SGIP1: variants seen among roughly 807,000 people sequenced by gnomAD.
The protein encoded by SGIP1 is SH3GL interacting endocytic adaptor 1.
In SGIP1, 38 loss-of-function variants were observed where a neutral mutation model predicts 107.5. That is an observed-to-expected ratio of 0.35 (90% CI 0.27 to 0.46). The LOEUF (loss-of-function observed/expected upper bound fraction) is 0.46. Among genes scored for constraint, SGIP1 ranks in the 20% least tolerant of loss-of-function variants. The pLI is 1.00. For synonymous variants in SGIP1, 365 were observed against 366.1 expected (o/e 1.00, Z 0.03); for missense variants, 929 against 1,019.5 (o/e 0.91, Z 1.21).
intron 1 of SGIP1, among the ~76,000 whole-genome samples, chr1:66,622,269 A>G (rs759879827): frequency 1.2e-4 from 19 of 152,184 alleles, no homozygotes; most frequent in Non-Finnish European, 2.6e-4. Flanking sequence ...TCACTACTTT[A>G]GGGAAAAATA....
At chr1:66,653,055 C>T (rs140460010) in intron 7 of SGIP1, among the ~76,000 whole-genome samples, 1 of 152,150 alleles carries the variant, frequency 6.6e-6, no homozygotes, top group Non-Finnish European at 1.5e-5. Context: ...GCCACTAAAT[C>T]CCAGACATGG....
At position 66,690,230 on chromosome 1, in the gene SGIP1, C is replaced by A. The variant is rs749972011; in HGVS notation, c.1484C>A (p.Pro495His). ...FSPPIHSSSP[P>H]PIAPLARAES... ...CCTCCCATTCATTCTTCCAGCCCTCCTCCAATAGCACCCTTAGCGCGGGCT... is the reference window on the plus strand; with the variant it reads ...CCTCCCATTCATTCTTCCAGCCCTCATCCAATAGCACCCTTAGCGCGGGCT... The change falls in exon 17 of 25, where the codon CCT becomes CAT. Residue 495 changes from proline (P) to histidine (H), a missense_variant. Coordinates refer to ENST00000371037, the MANE Select transcript of SGIP1 (RefSeq NM_032291.4). 40 of 1,614,064 alleles carry A rather than the reference C, an allele frequency of 2.5e-5. No homozygotes were observed. The highest frequency in any genetic ancestry group is 3.3e-5 in the Non-Finnish European group (39 of 1,180,018).
chr1:66,709,081 T>C lies in SGIP1; in HGVS notation c.1631-10213T>C, dbSNP rs138020547. Among the ~76,000 whole-genome samples the C allele has an allele frequency of 7.2e-3, 1,097 of 152,236 alleles. 16 individuals are homozygous for C. Among genetic ancestry groups the C allele is most frequent in the African/African-American group, 0.025 (1,040 of 41,546 alleles). On this transcript the variant is annotated intron_variant, in intron 18 of 24. Coordinates refer to ENST00000371037, the MANE Select transcript of SGIP1 (RefSeq NM_032291.4). ...AGTTCTGGGATACATGCGCAGAACG[T>C]GCATGTTTGTTACATAGGTATACAT...
At chr1:66,558,488 A>G (rs2058492988) in intron 1 of SGIP1, among the ~76,000 whole-genome samples, 1 of 151,992 alleles carries the variant, frequency 6.6e-6, no homozygotes, top group Non-Finnish European at 1.5e-5. Flanking sequence ...CATAGTGTAT[A>G]ATACTGAAAG....
intron 1 of SGIP1, among the ~76,000 whole-genome samples, chr1:66,601,957 A>C (rs1302044457): frequency 6.6e-6 from 1 of 152,246 alleles, no homozygotes; most frequent in Non-Finnish European, 1.5e-5. Flanking sequence ...AAATTAGTAC[A>C]TAGATCCCTT....
chr1:66,654,912 T>C (rs1220498019), intron 7 of SGIP1, among the ~76,000 whole-genome samples: 1 of 152,198 alleles, frequency 6.6e-6, no homozygotes, highest in East Asian at 1.9e-4. Flanking sequence ...CCTCAGTGTG[T>C]TTTGCCCAAC....
At chr1:66,651,612 A>T (rs79201246) in intron 7 of SGIP1, among the ~76,000 whole-genome samples, 1,916 of 152,312 alleles carry the variant, frequency 0.013, 45 homozygotes, top group African/African-American at 0.044. Flanking sequence ...CCCAGCCCAA[A>T]GGGCCCACCT....
intron 18 of SGIP1, among the ~76,000 whole-genome samples, chr1:66,697,532 G>GT (rs1274511376): frequency 6.6e-6 from 1 of 152,184 alleles, no homozygotes; most frequent in Non-Finnish European, 1.5e-5. Flanking sequence ...TATCATGAAT[G>GT]TTGGTGTCAC....
intron 2 of SGIP1, among the ~76,000 whole-genome samples, chr1:66,632,602 T>G (rs2149394099): frequency 6.6e-6 from 1 of 152,282 alleles, no homozygotes; most frequent in Admixed American, 6.5e-5. Flanking sequence ...TGATTGCGCC[T>G]GTGAATAGCC....
chr1:66,655,150 G>T (rs145704046), intron 7 of SGIP1, among the ~76,000 whole-genome samples: 4 of 151,964 alleles, frequency 2.6e-5, no homozygotes, highest in Middle Eastern at 3.4e-3. Flanking sequence ...GCAATAAGCC[G>T]CATTGGAGCA....
At chr1:66,721,435 G>T (rs1037317247) in intron 19 of SGIP1, among the ~76,000 whole-genome samples, 2 of 152,186 alleles carry the variant, frequency 1.3e-5, no homozygotes, top group East Asian at 3.9e-4. Flanking sequence ...TTGAGATGGG[G>T]TCTCACTTTT....
intron 22 of SGIP1, among the ~76,000 whole-genome samples, chr1:66,739,754 C>A (rs990816466): frequency 3.9e-5 from 6 of 152,222 alleles, no homozygotes; most frequent in African/African-American, 1.4e-4. Context: ...AAGGAACAGG[C>A]TGGATCTCCA....
At position 66,574,840 on chromosome 1, in the gene SGIP1, T is replaced by A. The variant is rs190965432; in HGVS notation, c.10+40472T>A. Among the ~76,000 whole-genome samples the A allele has an allele frequency of 7.6e-3, 1,150 of 152,176 alleles. 13 individuals carry two copies. The highest frequency in any genetic ancestry group is 0.026 in the African/African-American group (1,067 of 41,442). On this transcript the variant is annotated intron_variant, in intron 1 of 24. Coordinates refer to ENST00000371037, the MANE Select transcript of SGIP1 (RefSeq NM_032291.4). Reference sequence around the variant, plus strand: ...TGTATATGTGTGTATATAGTTGATGTCAGATTGCCAGCTGCGCTTGCTCAA... The same window carrying A: ...TGTATATGTGTGTATATAGTTGATGACAGATTGCCAGCTGCGCTTGCTCAA...
intron 18 of SGIP1, among the ~76,000 whole-genome samples, chr1:66,702,383 G>A (rs1258335811): frequency 6.6e-6 from 1 of 152,132 alleles, no homozygotes; most frequent in Non-Finnish European, 1.5e-5. Context: ...ATAACCACGT[G>A]ATCTTGAGCA....
chr1:66,622,820 C>T (rs139209572), intron 1 of SGIP1, among the ~76,000 whole-genome samples: 36 of 152,250 alleles, frequency 2.4e-4, no homozygotes, highest in African/African-American at 7.2e-4. Context: ...TCTTAAGGGA[C>T]GCTTAGTTTT....
At chr1:66,632,344 T>C (rs1185077114) in intron 2 of SGIP1, among the ~76,000 whole-genome samples, 1 of 152,192 alleles carries the variant, frequency 6.6e-6, no homozygotes, top group Non-Finnish European at 1.5e-5. Flanking sequence ...AATGTTGTTC[T>C]CCATTTCCTG....
chr1:66,629,489 C>G (rs1175450422), intron 2 of SGIP1, among the ~76,000 whole-genome samples: 1 of 152,008 alleles, frequency 6.6e-6, no homozygotes, highest in Non-Finnish European at 1.5e-5. Flanking sequence ...AGGCCATATT[C>G]TAGTCTAAAA....
chr1:66,625,771 GT>G, intron 1 of SGIP1, 75 bp from the exon 2 acceptor site: 1 of 1,267,122 alleles, frequency 7.9e-7, no homozygotes, highest in South Asian at 1.3e-5. Context: ...AGTCTAACTG[GT>G]GTGTTACAAC....
chr1:66,718,514 T>G (rs1280748413), intron 18 of SGIP1, among the ~76,000 whole-genome samples: 1 of 152,090 alleles, frequency 6.6e-6, no homozygotes, highest in East Asian at 1.9e-4. Context: ...GTCACTTACA[T>G]GGAGCTTCTG....
Sources: gnomAD v4.1 joint callset for allele counts (sites outside exome capture counted in the v4.1 genomes callset) on GRCh38, gnomAD v4.1.1 for gene constraint, MANE v1.5 for transcripts, NCBI Gene and HGNC (gene_info 2026-07-23, HGNC 2026-07-21) for gene names.